The following TMCO5A variants were observed in gnomAD, a reference collection of about 807,000 sequenced individuals.
TMCO5A encodes transmembrane and coiled-coil domain-containing protein 5A.
Under a neutral mutation model 42.3 loss-of-function variants are expected in TMCO5A, and 34 were observed. The observed-to-expected ratio is 0.80, with a 90% CI of 0.61 to 1.07. The LOEUF is 1.07. Ranked by LOEUF, TMCO5A falls within the 50% of genes least tolerant of loss-of-function variation. TMCO5A has a pLI of 0.00. For missense variants in TMCO5A, 357 were observed against 327.9 expected (o/e 1.09, Z -0.69); for synonymous variants, 131 against 115.6 (o/e 1.13, Z -0.86).
chr15:37,967,393 A>G (rs1173443189), exon 12 of TMCO5A: 1 of 152,220 alleles, frequency 6.6e-6, no homozygotes, highest in African/African-American at 2.4e-5. Flanking sequence ...TGCAATGACT[A>G]TAGAAATTAT....
At chr15:38,019,862 C>G in the TMCO5A span, among the ~76,000 whole-genome samples, 3 of 151,902 alleles carry the variant, frequency 2.0e-5, no homozygotes, top group Non-Finnish European at 4.4e-5. Context: ...AATCCTCTAG[C>G]CTCTGTCTCC....
chr15:38,022,779 T>C, the TMCO5A span, among the ~76,000 whole-genome samples: 3 of 152,176 alleles, frequency 2.0e-5, no homozygotes, highest in African/African-American at 7.2e-5. Flanking sequence ...GGGAAATCTC[T>C]ATACCTTCCT....
intron 11 of TMCO5A, chr15:37,966,481 A>C (rs1890559088): frequency 3.0e-6 from 2 of 659,016 alleles, no homozygotes; most frequent in African/African-American, 3.6e-5. Context: ...AAAACATCTC[A>C]TATACCCCAT....
intron 11 of TMCO5A, chr15:37,966,562 G>T: frequency 1.4e-6 from 1 of 702,694 alleles, no homozygotes. Flanking sequence ...CTTTAGGCAA[G>T]GCTACAGCAA....
chr15:38,027,642 AG>A, the TMCO5A span, among the ~76,000 whole-genome samples: 1 of 152,148 alleles, frequency 6.6e-6, no homozygotes, highest in Non-Finnish European at 1.5e-5. Flanking sequence ...GGGTGGGGCC[AG>A]GGGCAGAATG....
chr15:38,002,848 C>T, the TMCO5A span, among the ~76,000 whole-genome samples: 2 of 152,216 alleles, frequency 1.3e-5, no homozygotes, highest in African/African-American at 4.8e-5. Context: ...GTCTTTGGTA[C>T]TGGTCACAGG....
chr15:37,969,135 A>G (rs1890626734), downstream of TMCO5A, among the ~76,000 whole-genome samples: 1 of 152,198 alleles, frequency 6.6e-6, no homozygotes, highest in Non-Finnish European at 1.5e-5. Flanking sequence ...TCTACGTCCA[A>G]TAAGAGGTGA....
At chr15:38,032,873 T>G in the TMCO5A span, among the ~76,000 whole-genome samples, 1 of 152,094 alleles carries the variant, frequency 6.6e-6, no homozygotes, top group Non-Finnish European at 1.5e-5. Flanking sequence ...TTTAAAGAGC[T>G]GTAATAGTGG....
At chr15:37,978,675 G>A in the TMCO5A span, among the ~76,000 whole-genome samples, 3 of 152,318 alleles carry the variant, frequency 2.0e-5, no homozygotes, top group South Asian at 2.1e-4. Context: ...AGCCACCATC[G>A]ATTGATGTGT....
chr15:38,000,671 T>C, the TMCO5A span, among the ~76,000 whole-genome samples: 5 of 152,106 alleles, frequency 3.3e-5, no homozygotes. Flanking sequence ...CTCTTAGTAC[T>C]GCTTTTGCTG....
At chr15:37,999,210 C>A in the TMCO5A span, among the ~76,000 whole-genome samples, 7 of 152,154 alleles carry the variant, frequency 4.6e-5, no homozygotes, top group Non-Finnish European at 1.0e-4. Context: ...CTGGCCCAAT[C>A]AGTGTTGTAT....
At chr15:37,967,704 T>A (rs1216453662) in exon 12 of TMCO5A, 1 of 152,196 alleles carries the variant, frequency 6.6e-6, no homozygotes, top group Non-Finnish European at 1.5e-5. Context: ...TAAAATCGAA[T>A]AAAATACCAT....
the TMCO5A span, among the ~76,000 whole-genome samples, chr15:38,015,542 AT>A: frequency 6.6e-6 from 1 of 152,160 alleles, no homozygotes; most frequent in Non-Finnish European, 1.5e-5. Context: ...TATAAATCAT[AT>A]TCTTTGGTAT....
At chr15:38,037,316 T>TA in the TMCO5A span, among the ~76,000 whole-genome samples, 1 of 152,258 alleles carries the variant, frequency 6.6e-6, no homozygotes, top group African/African-American at 2.4e-5. Context: ...TACACTTACT[T>TA]ATTTAAAGCC....
the TMCO5A span, among the ~76,000 whole-genome samples, chr15:38,029,825 T>C: frequency 6.6e-6 from 1 of 152,180 alleles, no homozygotes; most frequent in Non-Finnish European, 1.5e-5. Flanking sequence ...AGAAAAAGTA[T>C]AGGACAACTG....
chr15:37,978,701 G>T, the TMCO5A span, among the ~76,000 whole-genome samples: 8 of 152,338 alleles, frequency 5.3e-5, no homozygotes, highest in East Asian at 1.4e-3. Flanking sequence ...CAGAGGCAAG[G>T]TTGTTGTGCT....
At chr15:37,953,452 T>G (rs1355633989), downstream of TMCO5A, among the ~76,000 whole-genome samples, 3 of 152,134 alleles carry the variant, frequency 2.0e-5, no homozygotes, top group African/African-American at 7.2e-5. Context: ...CTTCCAGATT[T>G]TGCTTAAAAC....
chr15:38,018,186 A>T, the TMCO5A span, among the ~76,000 whole-genome samples: 1 of 152,202 alleles, frequency 6.6e-6, no homozygotes, highest in Non-Finnish European at 1.5e-5. Flanking sequence ...ACTTGATACC[A>T]TCGTTAATCA....
the TMCO5A span, among the ~76,000 whole-genome samples, chr15:37,976,228 G>C: frequency 6.6e-6 from 1 of 150,770 alleles, no homozygotes; most frequent in Non-Finnish European, 1.5e-5. Flanking sequence ...CTGGGTGACA[G>C]AGCAAGACCC....
Sources: allele counts gnomAD v4.1 joint callset (sites outside exome capture counted in the v4.1 genomes callset), GRCh38; gene constraint gnomAD v4.1.1; transcripts MANE v1.5; gene names NCBI Gene and HGNC (gene_info 2026-07-23, HGNC 2026-07-21).